Variants in EHHADH observed in about 807,000 individuals in gnomAD.
The protein encoded by EHHADH is enoyl-CoA hydratase and 3-hydroxyacyl CoA dehydrogenase.
A neutral mutation model predicts 64.4 loss-of-function variants in EHHADH; 48 were observed. The ratio of observed to expected loss-of-function variants is 0.75; its 90% CI spans 0.59 to 0.95. EHHADH has a LOEUF of 0.95. EHHADH is among the 40% of genes least tolerant of loss of function. The probability of loss-of-function intolerance (pLI) is 0.00; values close to 1 mark genes in which losing one functional copy is unlikely to be tolerated. For missense variants in EHHADH, 854 were observed against 876.6 expected (o/e 0.97, Z 0.33); for synonymous variants, 308 against 326.7 (o/e 0.94, Z 0.62).
At chr3:185,194,384 G>A (rs1717998391) in intron 6 of EHHADH, among the ~76,000 whole-genome samples, 1 of 152,010 alleles carries the variant, frequency 6.6e-6, no homozygotes, top group Non-Finnish European at 1.5e-5. Flanking sequence ...AGGCCGAGGT[G>A]GGCAGATCAC....
Position 185,207,349 on chromosome 3 carries a change from C to T in EHHADH, c.569-2592G>A, listed in dbSNP as rs377081969. 3.8e-4 allele frequency among the ~76,000 whole-genome samples: 57 copies of T among 151,794 alleles called. 1 individual carries two copies. The South Asian group carries it at 9.6e-3, about 26-fold the overall frequency. On this transcript the variant is annotated intron_variant, in intron 5 of 6. Transcript: ENST00000231887. ...TTACCCTGTGTTATCTGATTGAGTGCAATCTAATCATATGAGTCCTTAAAA... is the reference window on the plus strand; with the variant it reads ...TTACCCTGTGTTATCTGATTGAGTGTAATCTAATCATATGAGTCCTTAAAA...
At chr3:185,204,144 A>T (rs1482210942) in intron 6 of EHHADH, among the ~76,000 whole-genome samples, 1 of 150,430 alleles carries the variant, frequency 6.6e-6, no homozygotes, top group East Asian at 2.0e-4. Context: ...AAAAAAAAAA[A>T]AAAAAAAAAA....
chr3:185,252,172 C>A (rs1027499165), intron 1 of EHHADH, among the ~76,000 whole-genome samples: 14 of 152,092 alleles, frequency 9.2e-5, no homozygotes, highest in African/African-American at 3.4e-4. Context: ...GAGGCCGAGG[C>A]AGGTGGATCA....
At chr3:185,217,739 T>C (rs187561192) in intron 5 of EHHADH, among the ~76,000 whole-genome samples, 336 of 147,516 alleles carry the variant, frequency 2.3e-3, no homozygotes, top group Admixed American at 3.8e-3. Context: ...TTTTTTTCTT[T>C]ATAAATTACC....
intron 5 of EHHADH, among the ~76,000 whole-genome samples, chr3:185,205,565 A>G (rs558390086): frequency 6.6e-6 from 1 of 152,344 alleles, no homozygotes; most frequent in East Asian, 1.9e-4. Flanking sequence ...AAACAATTCA[A>G]TGGAAGAAAG....
rs1299008216 is a variant in EHHADH at position 185,250,249 on chromosome 3, T to C, written c.75-1732A>G. Among the ~76,000 whole-genome samples the C allele has an allele frequency of 2.0e-5, 3 of 152,216 alleles. No homozygotes were observed. In the East Asian group the frequency reaches 5.8e-4, roughly 29 times the overall value. On this transcript the variant is annotated intron_variant, in intron 1 of 6. Coordinates refer to ENST00000231887, the MANE Select transcript of EHHADH (RefSeq NM_001966.4). ...TGTAGCAGATTTTGCCAAGTTTTAATATATGAGGAAGTCATCTGCAGAAGA... is the reference window on the plus strand; with the variant it reads ...TGTAGCAGATTTTGCCAAGTTTTAACATATGAGGAAGTCATCTGCAGAAGA...
chr3:185,242,198 C>T (rs1719473981), intron 2 of EHHADH, among the ~76,000 whole-genome samples: 1 of 152,180 alleles, frequency 6.6e-6, no homozygotes, highest in Admixed American at 6.5e-5. Context: ...ACATCCCATG[C>T]TCATGGATGG....
chr3:185,242,006 C>T (rs1369654737), intron 2 of EHHADH, among the ~76,000 whole-genome samples: 16 of 152,066 alleles, frequency 1.1e-4, no homozygotes, highest in Non-Finnish European at 1.5e-5. Context: ...ATTTCATTCT[C>T]CTACATGTGG....
intron 6 of EHHADH, among the ~76,000 whole-genome samples, chr3:185,197,486 A>G (rs1718096592): frequency 6.6e-6 from 1 of 151,928 alleles, no homozygotes; most frequent in Admixed American, 6.6e-5. Flanking sequence ...CAACCATTCT[A>G]TTTTCTATAT....
At chr3:185,222,489 A>G (rs980801913) in intron 4 of EHHADH, among the ~76,000 whole-genome samples, 3 of 152,248 alleles carry the variant, frequency 2.0e-5, no homozygotes, top group Non-Finnish European at 4.4e-5. Flanking sequence ...TAATGTTTTT[A>G]TGCAAAATAA....
chr3:185,223,788 GC>G (rs1452424416), intron 4 of EHHADH, among the ~76,000 whole-genome samples: 2 of 152,196 alleles, frequency 1.3e-5, no homozygotes, highest in East Asian at 3.8e-4. Flanking sequence ...TGAGAATACA[GC>G]AGAGCTTTCT....
In EHHADH at chr3:185,201,504, T is replaced by C. The variant is rs557590644; in HGVS notation, c.910+2912A>G. 8.5e-5 allele frequency among the ~76,000 whole-genome samples: 13 copies of C among 152,250 alleles called. 1 individual carries two copies. Among genetic ancestry groups the C allele is most frequent in the Middle Eastern group, 6.8e-3 (2 of 294 alleles). ...AGCATTCCCTGGAGAGGGCAGCAGA[T>C]GCAGGTCCTCAGGGTAAGCCGGGTT... On this transcript the variant is annotated intron_variant, in intron 6 of 6. Coordinates refer to ENST00000231887, the MANE Select transcript of EHHADH (RefSeq NM_001966.4).
intron 2 of EHHADH, among the ~76,000 whole-genome samples, chr3:185,247,525 A>T (rs1449953621): frequency 6.6e-6 from 1 of 152,058 alleles, no homozygotes. Flanking sequence ...AACATATAAC[A>T]TGTTTAAAAA....
chr3:185,233,866 G>A (rs1415726761), intron 3 of EHHADH, among the ~76,000 whole-genome samples: 6 of 152,042 alleles, frequency 3.9e-5, no homozygotes, highest in Non-Finnish European at 7.4e-5. Flanking sequence ...GGATGGTCTC[G>A]ATCTCCTGAC....
intron 1 of EHHADH, among the ~76,000 whole-genome samples, chr3:185,248,816 C>T (rs1719666779): frequency 6.6e-6 from 1 of 152,086 alleles, no homozygotes; most frequent in Non-Finnish European, 1.5e-5. Context: ...TGACACCAAC[C>T]AATTTAAAAA....
chr3:185,193,395 T>G lies in EHHADH; in HGVS notation c.1003A>C (p.Thr335Pro), dbSNP rs58044717. The G allele has an allele frequency of 3.1e-6, 5 of 1,614,214 alleles. No homozygotes were observed. The South Asian group carries it at 5.5e-5, about 18-fold the overall frequency. ...AVDSDKNQLATANKMITSVLE... is the reference protein window; with the variant it reads ...AVDSDKNQLAPANKMITSVLE... Reference sequence around the variant, plus strand: ...ACAGAGGTTATCATCTTGTTTGCAGTTGCTAGCTGGTTTTTGTCCGAGTCT... The same window carrying G: ...ACAGAGGTTATCATCTTGTTTGCAGGTGCTAGCTGGTTTTTGTCCGAGTCT... Residue 335 changes from threonine (T) to proline (P), a missense_variant, in exon 7 of 7, where the codon ACT (threonine) becomes CCT (proline). Thr to Pro is a conservative substitution (Grantham distance 38, BLOSUM62 -1). Coordinates refer to ENST00000231887, the MANE Select transcript of EHHADH (RefSeq NM_001966.4).
chr3:185,199,025 G>T (rs1470224016), intron 6 of EHHADH, among the ~76,000 whole-genome samples: 1 of 152,050 alleles, frequency 6.6e-6, no homozygotes, highest in Non-Finnish European at 1.5e-5. Flanking sequence ...ATATGGTAAA[G>T]TAAATGATGT....
At chr3:185,228,264 A>ATATATG (rs1719051409) in intron 4 of EHHADH, among the ~76,000 whole-genome samples, 1 of 57,984 alleles carries the variant, frequency 1.7e-5, no homozygotes, top group Non-Finnish European at 5.7e-5. Flanking sequence ...AAAAATATAT[A>ATATATG]TATATATATA....
rs3764919 is a variant in EHHADH, at chr3:185,248,770, T to G, written c.75-253A>C. On this transcript the variant is annotated intron_variant, in intron 1 of 6. Coordinates refer to ENST00000231887, the MANE Select transcript of EHHADH (RefSeq NM_001966.4). ...TAATCCACTTTTTAAAAATGTAATTTTCCTGCACTGTGCTTTCACTTTGAC... is the reference window on the plus strand; with the variant it reads ...TAATCCACTTTTTAAAAATGTAATTGTCCTGCACTGTGCTTTCACTTTGAC... Among the ~76,000 whole-genome samples the G allele has an allele frequency of 0.67, 101,358 of 152,120 alleles. 35,750 individuals carry two copies. The highest frequency in any genetic ancestry group is 0.79 in the Non-Finnish European group (53,862 of 67,984).
Sources: allele counts gnomAD v4.1 joint callset (sites outside exome capture counted in the v4.1 genomes callset), GRCh38; gene constraint gnomAD v4.1.1; transcripts MANE v1.5; gene names NCBI Gene and HGNC (gene_info 2026-07-23, HGNC 2026-07-21).